The following RAD17 variants were observed in gnomAD, a reference collection of about 807,000 sequenced individuals.
RAD17 encodes cell cycle checkpoint protein RAD17.
Under a neutral mutation model 81.5 loss-of-function variants are expected in RAD17, and 31 were observed. The ratio of observed to expected loss-of-function variants is 0.38; its 90% CI spans 0.29 to 0.51. RAD17 has a LOEUF of 0.51. RAD17 is among the 20% of genes least tolerant of loss of function. The pLI is 0.88. For synonymous variants in RAD17, 261 were observed against 266.2 expected, an observed-to-expected ratio of 0.98 and a Z score of 0.19; for missense variants, 681 against 781.2, an observed-to-expected ratio of 0.87 and a Z score of 1.53.
chr5:69,411,403 C>T (rs533303620), intron 18 of RAD17, among the ~76,000 whole-genome samples: 15 of 152,100 alleles, frequency 9.9e-5, no homozygotes, highest in South Asian at 6.2e-4. Flanking sequence ...AAAAGCAAAA[C>T]TCCATCTCAA....
chr5:69,371,350 G>T, intron 2 of RAD17, 104 bp from the exon 3 acceptor site: 1 of 491,882 alleles, frequency 2.0e-6, no homozygotes. Context: ...ACTAGTTCTT[G>T]AGCCTTTATT....
In RAD17 at chr5:69,371,507, C is replaced by A; in HGVS notation, c.-226C>A. ...CCTAAACTACGGATGGGAACTATTA[C>A]AGTTTATAATGTCAAAAACTTTTCT... On this transcript the variant is annotated 5_prime_UTR_variant, in exon 3 of 19. Coordinates refer to ENST00000354868, the MANE Select transcript of RAD17 (RefSeq NM_133338.3). 3 of 1,285,346 alleles carry A rather than the reference C, an allele frequency of 2.3e-6. No homozygotes were observed. The highest frequency in any genetic ancestry group is 2.4e-5 in the Admixed American group (1 of 41,838). The allele number at this position is 1,285,346 out of a possible 1,614,324, so 79.6% of individuals were successfully genotyped here.
At chr5:69,406,983 ACT>A (rs1029760122) in intron 17 of RAD17, among the ~76,000 whole-genome samples, 50 of 150,350 alleles carry the variant, frequency 3.3e-4, no homozygotes, top group Admixed American at 1.7e-3. Flanking sequence ...AATTAAAATA[ACT>A]CTGTTTGTAG....
chr5:69,387,943 T>A (rs1580390621), intron 11 of RAD17, among the ~76,000 whole-genome samples: 1 of 152,192 alleles, frequency 6.6e-6, no homozygotes, highest in African/African-American at 2.4e-5. Context: ...GGATGATCGC[T>A]GGAGCCTAGG....
At chr5:69,390,325 A>ACT (rs1166370933) in intron 12 of RAD17, among the ~76,000 whole-genome samples, 28 of 152,006 alleles carry the variant, frequency 1.8e-4, no homozygotes, top group Admixed American at 1.8e-3. Context: ...TAAGCCATGC[A>ACT]CTCTTGAGTT....
intron 16 of RAD17, among the ~76,000 whole-genome samples, chr5:69,397,200 G>C (rs548665396): frequency 1.3e-5 from 2 of 151,914 alleles, no homozygotes; most frequent in Admixed American, 1.3e-4. Flanking sequence ...GGAGTGCAGT[G>C]GTGCCATCTC....
intron 18 of RAD17, among the ~76,000 whole-genome samples, chr5:69,412,033 T>A (rs1193893526): frequency 6.6e-6 from 1 of 152,164 alleles, no homozygotes; most frequent in East Asian, 1.9e-4. Context: ...CTCGGCTCAC[T>A]GCAAGCTCCA....
chr5:69,392,021 A>G lies in RAD17; in HGVS notation c.1189+8A>G. 1 of 1,506,928 alleles carries G rather than the reference A, an allele frequency of 6.6e-7. No homozygotes were observed. 93.3% of individuals were successfully genotyped at this position (1,506,928 alleles called of 1,614,324 possible). On this transcript the variant is annotated splice_region_variant and intron_variant, in intron 13 of 18. Coordinates refer to ENST00000354868, the MANE Select transcript of RAD17 (RefSeq NM_133338.3). ...AAATTCTATATTGTAAAAGTAAGAA[A>G]TTTTTACACTTTTAAAATCTGTTGG...
At position 69,398,730 on chromosome 5, in the gene RAD17, C is replaced by T. The variant is rs371835834; in HGVS notation, c.1573-1319C>T. 3.2e-3 allele frequency among the ~76,000 whole-genome samples: 488 copies of T among 151,462 alleles called. 2 individuals carry two copies. Among genetic ancestry groups the T allele is most frequent in the Non-Finnish European group, 5.4e-3 (370 of 67,900 alleles). Reference sequence around the variant, plus strand: ...CCGAAGCAGGAGAATCGCGTGAACCCGGGAGGCAGAAGTTGCAGTGAGCCG... The same window carrying T: ...CCGAAGCAGGAGAATCGCGTGAACCTGGGAGGCAGAAGTTGCAGTGAGCCG... On this transcript the variant is annotated intron_variant, in intron 16 of 18. Coordinates refer to ENST00000354868, the MANE Select transcript of RAD17 (RefSeq NM_133338.3).
intron 6 of RAD17, among the ~76,000 whole-genome samples, chr5:69,375,142 G>A (rs767720018): frequency 1.3e-5 from 2 of 152,098 alleles, no homozygotes; most frequent in Admixed American, 1.3e-4. Context: ...AACAAAAAGC[G>A]AAAAAGAAAG....
intron 8 of RAD17, 134 bp from the exon 9 acceptor site, chr5:69,385,909 C>T (rs1764182863): frequency 2.2e-6 from 2 of 906,948 alleles, no homozygotes; most frequent in Non-Finnish European, 3.0e-6. Context: ...TCATCTATTT[C>T]ATGTTTCCTG....
Position 69,396,521 on chromosome 5 carries a change from C to G in RAD17, c.1547C>G (p.Pro516Arg). The change falls in exon 16 of 19, where the codon CCT becomes CGT. Residue 516 changes from proline (P) to arginine (R), a missense_variant. Pro to Arg is a moderately radical substitution (Grantham distance 103). Transcript: ENST00000354868. ...GGSSFRPLHK[P>R]QWFLINKKYR... ...TCAAGTTTTCGACCCTTGCACAAACCTCAGTGGTTTCTAATAAATAAAAAG... is the reference window on the plus strand; with the variant it reads ...TCAAGTTTTCGACCCTTGCACAAACGTCAGTGGTTTCTAATAAATAAAAAG... The G allele has an allele frequency of 6.3e-7, 1 of 1,588,200 alleles. No individual in the cohort carries two copies. The highest frequency in any genetic ancestry group is 8.5e-7 in the Non-Finnish European group (1 of 1,171,760).
chr5:69,403,774 A>T (rs1765420805), intron 17 of RAD17, among the ~76,000 whole-genome samples: 1 of 152,108 alleles, frequency 6.6e-6, no homozygotes, highest in South Asian at 2.1e-4. Flanking sequence ...TTTAAAAATT[A>T]GCTGGGTGTT....
rs113152446 is a variant in RAD17, at chr5:69,392,054, A to G, written c.1189+41A>G. The G allele has an allele frequency of 5.0e-6, 7 of 1,395,092 alleles. 1 individual carries two copies. The African/African-American group carries it at 6.0e-5, about 12-fold the overall frequency. The allele number at this position is 1,395,092 out of a possible 1,614,324, so 86.4% of individuals were successfully genotyped here. A position where few individuals can be genotyped will look rare whatever the true frequency, so the allele number is the denominator to read the frequency against. ...ACTTTTAAAATCTGTTGGATATCAC[A>G]TAGTCTTAAAATGGAAATAAAATGT... On this transcript the variant is annotated intron_variant, in intron 13 of 18. Transcript: ENST00000354868.
chr5:69,388,407 T>C (rs1561253403), intron 11 of RAD17, among the ~76,000 whole-genome samples: 1 of 152,212 alleles, frequency 6.6e-6, no homozygotes, highest in African/African-American at 2.4e-5. Context: ...TTTTTTTGTG[T>C]GTACACATAT....
intron 2 of RAD17, 56 bp downstream of exon 2, chr5:69,371,227 G>C: frequency 1.9e-6 from 1 of 535,324 alleles, no homozygotes; most frequent in Non-Finnish European, 3.5e-6. Flanking sequence ...ACATCATTGA[G>C]TTCATGTGAA....
intron 16 of RAD17, among the ~76,000 whole-genome samples, chr5:69,397,805 A>G (rs1396924680): frequency 6.6e-6 from 1 of 151,758 alleles, no homozygotes; most frequent in Non-Finnish European, 1.5e-5. Flanking sequence ...GGTGACTATT[A>G]ACAACAATGT....
intron 8 of RAD17, 77 bp from the exon 9 acceptor site, chr5:69,385,966 C>T: frequency 7.6e-6 from 10 of 1,310,488 alleles, no homozygotes; most frequent in Admixed American, 6.5e-5. Flanking sequence ...TTTTGCCTAC[C>T]TCAATAAATA....
intron 6 of RAD17, among the ~76,000 whole-genome samples, chr5:69,376,545 A>G (rs1201708594): frequency 6.6e-6 from 1 of 152,188 alleles, no homozygotes; most frequent in Non-Finnish European, 1.5e-5. Context: ...AGGTACAGAG[A>G]TGTACCTCAT....
Sources: gnomAD v4.1 joint callset for allele counts (sites outside exome capture counted in the v4.1 genomes callset) on GRCh38, gnomAD v4.1.1 for gene constraint, MANE v1.5 for transcripts, NCBI Gene and HGNC (gene_info 2026-07-23, HGNC 2026-07-21) for gene names.